ST14: variants seen among roughly 807,000 people sequenced by gnomAD.
The protein encoded by ST14 is suppressor of tumorigenicity 14 protein.
ST14 carries 40 observed loss-of-function variants against 96.5 expected under a neutral mutation model. The observed-to-expected ratio is 0.41, with a 90% CI of 0.32 to 0.54. The LOEUF (loss-of-function observed/expected upper bound fraction) is 0.54. ST14 is among the 20% of genes least tolerant of loss of function. The probability of loss-of-function intolerance (pLI) is 0.17; values close to 1 mark genes in which losing one functional copy is unlikely to be tolerated. For synonymous variants in ST14, 506 were observed against 492.1 expected (o/e 1.03, Z -0.37); for missense variants, 1,066 against 1,188.9 (o/e 0.90, Z 1.52).
rs200473133 is a variant in ST14, at chr11:130,188,833, G to T, written c.370-36G>T. On this transcript the variant is annotated intron_variant, in intron 3 of 18. Transcript: ENST00000278742. The surrounding 1 kb of genome is among the most constrained non-coding windows in gnomAD (Gnocchi z 5.4). The stretch of plus-strand genomic sequence containing the variant: ...CCGGGCTTGGGGCAGGGTCATCGCC[G>T]CATGGGGCTCACCTTGAGTCTCTGC... 8 of 1,607,468 alleles carry T rather than the reference G, an allele frequency of 5.0e-6. No individual in the cohort carries two copies. The East Asian group carries it at 6.7e-5, about 13-fold the overall frequency.
At chr11:130,196,940 A>G in intron 11 of ST14, 6 of 596,148 alleles carry the variant, frequency 1.0e-5, no homozygotes, top group Non-Finnish European at 1.8e-5. Context: ...AGCATGAGGT[A>G]CCTGCGGCTG....
Position 130,209,538 on chromosome 11 carries a change from T to C in ST14, c.2366T>C (p.Met789Thr). 1 of 1,577,976 alleles carries C rather than the reference T, an allele frequency of 6.3e-7. No individual in the cohort carries two copies. The highest frequency in any genetic ancestry group is 2.3e-5 in the East Asian group (1 of 43,094). ...LLPQQITPRM[M>T]CVGFLSGGVD... ...CCGCAGCAGATCACGCCGCGCATGA[T>C]GTGCGTGGGCTTCCTCAGCGGCGGC... Residue 789 changes from methionine to threonine, a missense_variant, in exon 18 of 19, where the codon ATG (methionine) becomes ACG (threonine). Met to Thr is a moderately conservative substitution (Grantham distance 81). Transcript: ENST00000278742.
Position 130,189,701 on chromosome 11 carries a change from G to A in ST14, c.441-38G>A, listed in dbSNP as rs749011422. The A allele has an allele frequency of 8.7e-6, 14 of 1,603,992 alleles. No homozygotes were observed. The South Asian group carries it at 1.2e-4, about 14-fold the overall frequency. ...TCTGGGCGCACGTGGGGGAAATGGG[G>A]CCCAGAGCTCCGCCTCAGGCTCCCG... On this transcript the variant is annotated intron_variant, in intron 4 of 18. Transcript: ENST00000278742.
intron 1 of ST14, among the ~76,000 whole-genome samples, chr11:130,180,263 A>T (rs1009636088): frequency 5.9e-5 from 9 of 151,996 alleles, no homozygotes; most frequent in African/African-American, 1.9e-4. Flanking sequence ...CAGGCTACCC[A>T]TTGTCATGTG....
rs181065137 is a variant in ST14 at position 130,192,653 on chromosome 11, A to G, written c.876-1496A>G. On this transcript the variant is annotated intron_variant, in intron 7 of 18. Transcript: ENST00000278742. ...GCAATCTGCCTGCCTTGGCCTCCCA[A>G]AGTACTGGGATTACAGGCGTGAGCC... 4.6e-5 allele frequency among the ~76,000 whole-genome samples: 7 copies of G among 152,326 alleles called. No homozygotes were observed. The East Asian group carries it at 1.3e-3, about 29-fold the overall frequency.
intron 16 of ST14, among the ~76,000 whole-genome samples, chr11:130,201,258 G>A (rs907617985): frequency 3.3e-5 from 5 of 152,246 alleles, no homozygotes; most frequent in East Asian, 1.9e-4. Context: ...AGGAAGGAGT[G>A]TTAGGGCCTG....
At chr11:130,166,191 G>C (rs987083448) in intron 1 of ST14, among the ~76,000 whole-genome samples, 2 of 152,176 alleles carry the variant, frequency 1.3e-5, no homozygotes, top group Non-Finnish European at 2.9e-5. Context: ...AATTATGGCG[G>C]AAGTTTTAAA....
At chr11:130,208,389 C>T in intron 16 of ST14, 21 bp from the exon 17 acceptor site, 2 of 1,613,840 alleles carry the variant, frequency 1.2e-6, no homozygotes, top group Non-Finnish European at 1.7e-6. Flanking sequence ...CGCGCAGTCT[C>T]ATAGCGGCTC....
intron 16 of ST14, among the ~76,000 whole-genome samples, chr11:130,204,433 A>C (rs73038971): frequency 0.059 from 9,011 of 152,298 alleles, 342 homozygotes; most frequent in Middle Eastern, 0.095. Context: ...AACAGATTAC[A>C]GTGAAGCGAG....
intron 1 of ST14, among the ~76,000 whole-genome samples, chr11:130,175,102 A>G (rs1953123648): frequency 6.6e-6 from 1 of 152,160 alleles, no homozygotes; most frequent in South Asian, 2.1e-4. Context: ...TATGACTGGA[A>G]TTTCAAGCGG....
chr11:130,196,076 C>G (rs928314749), intron 9 of ST14, among the ~76,000 whole-genome samples: 1 of 152,070 alleles, frequency 6.6e-6, no homozygotes, highest in African/African-American at 2.4e-5. Flanking sequence ...AGAAGAATGG[C>G]GTGAACCCGG....
intron 1 of ST14, among the ~76,000 whole-genome samples, chr11:130,184,169 C>T (rs150513154): frequency 2.6e-5 from 4 of 152,134 alleles, no homozygotes; most frequent in Non-Finnish European, 5.9e-5. Context: ...TTGAAGGAGA[C>T]GGACACGGGC....
In ST14 at chr11:130,200,186, T is replaced by C. The variant is rs541161993; in HGVS notation, c.1994+49T>C. 3.9e-5 allele frequency: 62 copies of C among 1,604,566 alleles called. 1 individual carries two copies. In the South Asian group the frequency reaches 6.1e-4, roughly 16 times the overall value. On this transcript the variant is annotated intron_variant, in intron 16 of 18. Coordinates refer to ENST00000278742, the MANE Select transcript of ST14 (RefSeq NM_021978.4). The stretch of plus-strand genomic sequence containing the variant: ...GGAGCCTCCTTGCTGGCCCTTTGCA[T>C]CTGGGAGTAATGCCAGGATAGGTTG...
chr11:130,190,207 C>T, intron 6 of ST14, 59 bp downstream of exon 6: 5 of 1,608,114 alleles, frequency 3.1e-6, no homozygotes, highest in Non-Finnish European at 4.3e-6. Context: ...TGGCCAGATG[C>T]CCTTGAGCCA....
rs1169898561 is a variant in ST14 at position 130,194,241 on chromosome 11, G to A, written c.968G>A (p.Arg323Gln). 4.3e-6 allele frequency: 7 copies of A among 1,614,224 alleles called. No individual in the cohort carries two copies. Among genetic ancestry groups the A allele is most frequent in the Middle Eastern group, 1.6e-4 (1 of 6,062 alleles). ...ACACTGATAACCAACACTGAGCGGCGGCATCCCGGCTTTGAGGCCACCTTC... is the reference window on the plus strand; with the variant it reads ...ACACTGATAACCAACACTGAGCGGCAGCATCCCGGCTTTGAGGCCACCTTC... The part of the protein sequence containing the change: ...LITLITNTER[R>Q]HPGFEATFFQ... Residue 323 changes from arginine (R) to glutamine (Q), a missense_variant, in exon 8 of 19, where the codon CGG (arginine) becomes CAG (glutamine). Physicochemically the swap from Arg to Gln is conservative, Grantham distance 43. Transcript: ENST00000278742.
In ST14 at chr11:130,189,739, C is replaced by T. The variant is rs769098150; in HGVS notation, c.441C>T (p.Ser147=). The part of the protein sequence containing the change: ...YHKESAVTAF[S]EGSVIAYYWS... ...CCTCAGGCTCCCGCTCTCTCCCCAG[C>T]GAGGGCAGCGTCATCGCCTACTACT... is the stretch of plus-strand genomic sequence containing the variant. Residue 147 remains serine, a splice_region_variant and synonymous_variant, in exon 5 of 19, where the codon AGC becomes AGT. Transcript: ENST00000278742. The T allele has an allele frequency of 8.1e-6, 13 of 1,611,552 alleles. No individual in the cohort carries two copies. The East Asian group carries it at 8.9e-5, about 11-fold the overall frequency.
intron 12 of ST14, 62 bp from the exon 13 acceptor site, chr11:130,198,246 C>T: frequency 6.7e-7 from 1 of 1,485,826 alleles, no homozygotes; most frequent in Non-Finnish European, 9.4e-7. Flanking sequence ...ATCGCCTGGG[C>T]ATCCTGGGGA....
intron 1 of ST14, among the ~76,000 whole-genome samples, chr11:130,161,726 A>G (rs893655157): frequency 2.0e-5 from 3 of 151,938 alleles, no homozygotes; most frequent in Admixed American, 6.6e-5. Context: ...CCCCTCTGCC[A>G]TTTTCATTCT....
intron 1 of ST14, among the ~76,000 whole-genome samples, chr11:130,174,340 G>T (rs77299268): frequency 0.064 from 9,728 of 152,198 alleles, 1,014 homozygotes; most frequent in African/African-American, 0.22. Flanking sequence ...TCTTACAGCC[G>T]CTAGGCTTCA....
Sources: allele counts gnomAD v4.1 joint callset (sites outside exome capture counted in the v4.1 genomes callset), GRCh38; gene constraint gnomAD v4.1.1; non-coding constraint Gnocchi (gnomAD v3.1); transcripts MANE v1.5; gene names NCBI Gene and HGNC (gene_info 2026-07-23, HGNC 2026-07-21).